Variants in OR5K1 observed in about 807,000 individuals in gnomAD.
OR5K1 encodes olfactory receptor family 5 subfamily K member 1.
In OR5K1, 7 loss-of-function variants were observed where a neutral mutation model predicts 10.4. The observed-to-expected ratio is 0.67, with a 90% CI of 0.38 to 1.26. The LOEUF is 1.26. Ranked by LOEUF, OR5K1 falls within the 50% of genes most tolerant of loss-of-function variation. The pLI is 0.02. For missense variants in OR5K1, 435 were observed against 366.2 expected (o/e 1.19, Z -1.53); for synonymous variants, 135 against 128.5 (o/e 1.05, Z -0.34).
Position 98,470,541 on chromosome 3 carries a change from C to A in OR5K1, c.*38C>A. 2 of 1,236,546 alleles carry A rather than the reference C, an allele frequency of 1.6e-6. No homozygotes were observed. Among genetic ancestry groups the A allele is most frequent in the South Asian group, 1.5e-5 (1 of 68,806 alleles). The allele number at this position is 1,236,546 out of a possible 1,614,324, so 76.6% of individuals were successfully genotyped here. ...TGGAAACAAGTGACATCTACTATAG[C>A]TTAATGATTTAAATGCAGCAAAAAC... On this transcript the variant is annotated 3_prime_UTR_variant, in exon 2 of 2. Transcript: ENST00000642057.
At chr3:98,465,976 C>A (rs1200986682) in intron 1 of OR5K1, among the ~76,000 whole-genome samples, 1 of 151,454 alleles carries the variant, frequency 6.6e-6, no homozygotes, top group African/African-American at 2.4e-5. Flanking sequence ...TATACATGTG[C>A]CATGCTGGTG....
chr3:98,468,492 C>A (rs1197718138), intron 1 of OR5K1, among the ~76,000 whole-genome samples: 1 of 151,030 alleles, frequency 6.6e-6, no homozygotes, highest in Non-Finnish European at 1.5e-5. Flanking sequence ...TCCCTGTGCC[C>A]ACCTCCCACT....
In OR5K1 at chr3:98,470,511, A is replaced by G. The variant is rs1450738502; in HGVS notation, c.*8A>G. 6.7e-7 allele frequency: 1 copy of G among 1,490,796 alleles called. No individual in the cohort carries two copies. The highest frequency in any genetic ancestry group is 1.4e-5 in the African/African-American group (1 of 71,362). The allele number at this position is 1,490,796 out of a possible 1,614,324, so 92.3% of individuals were successfully genotyped here. On this transcript the variant is annotated 3_prime_UTR_variant, in exon 2 of 2. Transcript: ENST00000642057. ...ATTCTGATGAAGAAATAATCTCAAG[A>G]AAGATGGAAACAAGTGACATCTACT... is the stretch of plus-strand genomic sequence containing the variant.
rs1203858213 is a variant in OR5K1, at chr3:98,471,719, C to T, written c.*1216C>T. On this transcript the variant is annotated 3_prime_UTR_variant, in exon 2 of 2. Coordinates refer to ENST00000642057, the MANE Select transcript of OR5K1 (RefSeq NM_001004736.4). ...TTGCTCTGAGGACCTGTCTAAATTC[C>T]CAGAAAGCAATTGTCAAGTGCTCCA... 6.6e-6 allele frequency: 1 copy of T among 151,852 alleles called. No individual in the cohort carries two copies. The highest frequency in any genetic ancestry group is 1.5e-5 in the Non-Finnish European group (1 of 67,922). 9.4% of individuals were successfully genotyped at this position (151,852 alleles called of 1,614,324 possible).
In OR5K1 at chr3:98,472,674, G is replaced by A. The variant is rs1250016609; in HGVS notation, c.*2171G>A. ...TGTCTTAGTCTATTCTCTCTGTCTG[G>A]AATATCAAAGGTATGCTCAGAAATA... On this transcript the variant is annotated 3_prime_UTR_variant, in exon 2 of 2. Transcript: ENST00000642057. 6.6e-6 allele frequency: 1 copy of A among 151,772 alleles called. No homozygotes were observed. Among genetic ancestry groups the A allele is most frequent in the Non-Finnish European group, 1.5e-5 (1 of 67,920 alleles). The allele number at this position is 151,772 out of a possible 1,614,324, so 9.4% of individuals were successfully genotyped here. A position where few individuals can be genotyped will look rare whatever the true frequency, so the allele number is the denominator to read the frequency against.
chr3:98,465,020 T>A (rs1296258395), intron 1 of OR5K1, among the ~76,000 whole-genome samples: 1 of 152,204 alleles, frequency 6.6e-6, no homozygotes, highest in East Asian at 1.9e-4. Flanking sequence ...CCATTTTATT[T>A]ACTTAATAAA....
At chr3:98,465,494 T>C (rs1287568236) in intron 1 of OR5K1, among the ~76,000 whole-genome samples, 2 of 152,146 alleles carry the variant, frequency 1.3e-5, no homozygotes, top group Non-Finnish European at 2.9e-5. Flanking sequence ...GGTCAATTCA[T>C]TATTATTGGC....
rs965158148 is a variant in OR5K1 at position 98,470,513 on chromosome 3, A to G, written c.*10A>G. 1.3e-6 allele frequency: 2 copies of G among 1,481,868 alleles called. No homozygotes were observed. Among genetic ancestry groups the G allele is most frequent in the East Asian group, 2.3e-5 (1 of 44,174 alleles). 91.8% of individuals were successfully genotyped at this position (1,481,868 alleles called of 1,614,324 possible). On this transcript the variant is annotated 3_prime_UTR_variant, in exon 2 of 2. Coordinates refer to ENST00000642057, the MANE Select transcript of OR5K1 (RefSeq NM_001004736.4). ...TCTGATGAAGAAATAATCTCAAGAA[A>G]GATGGAAACAAGTGACATCTACTAT...
Position 98,470,440 on chromosome 3 carries a change from C to G in OR5K1, c.864C>G (p.Phe288Leu), listed in dbSNP as rs761784881. The G allele has an allele frequency of 1.2e-5, 19 of 1,596,918 alleles. No individual in the cohort carries two copies. Among genetic ancestry groups the G allele is most frequent in the Non-Finnish European group, 1.6e-5 (19 of 1,165,856 alleles). Residue 288 changes from phenylalanine to leucine, a missense_variant, in exon 2 of 2, where the codon TTC becomes TTG. Phe to Leu is a conservative substitution (Grantham distance 22). Coordinates refer to ENST00000642057, the MANE Select transcript of OR5K1 (RefSeq NM_001004736.4). ...TAGTAGTTCCCTTACTAAATCCTTT[C>G]ATTTATAGCCTGAGAAATAGGGAAG... ...FTIVVPLLNP[F>L]IYSLRNREVI...
At chr3:98,465,589 A>G (rs1167332813) in intron 1 of OR5K1, among the ~76,000 whole-genome samples, 1 of 152,172 alleles carries the variant, frequency 6.6e-6, no homozygotes, top group African/African-American at 2.4e-5. Context: ...AACACTATAT[A>G]TTATCATTTC....
intron 1 of OR5K1, among the ~76,000 whole-genome samples, chr3:98,466,885 C>A (rs1217960075): frequency 8.3e-6 from 1 of 120,254 alleles, no homozygotes; most frequent in South Asian, 2.9e-4. Context: ...TTTTGCTGTG[C>A]AGAAGCTCTT....
intron 1 of OR5K1, among the ~76,000 whole-genome samples, chr3:98,465,289 A>G (rs1705358683): frequency 6.6e-6 from 1 of 152,176 alleles, no homozygotes; most frequent in Admixed American, 6.5e-5. Context: ...CATTACAATA[A>G]TCTTCAAGGT....
rs770026228 is a variant in OR5K1 at position 98,470,419 on chromosome 3, A to G, written c.843A>G (p.Val281=). The change falls in exon 2 of 2, where the codon GTA becomes GTG. Residue 281 remains valine (V), a synonymous_variant. Transcript: ENST00000642057. The part of the protein sequence containing the change: ...DIPAAILFTI[V]VPLLNPFIYS... ...CAGCTGCAATTTTATTTACAATAGT[A>G]GTTCCCTTACTAAATCCTTTCATTT... is the stretch of plus-strand genomic sequence containing the variant. The G allele has an allele frequency of 3.1e-6, 5 of 1,606,622 alleles. No individual in the cohort carries two copies. In the East Asian group the frequency reaches 1.1e-4, roughly 36 times the overall value.
In OR5K1 at chr3:98,472,830, C is replaced by T. The variant is rs559580040; in HGVS notation, c.*2327C>T. On this transcript the variant is annotated 3_prime_UTR_variant, in exon 2 of 2. Coordinates refer to ENST00000642057, the MANE Select transcript of OR5K1 (RefSeq NM_001004736.4). ...TGGGTAAGACAGAATTACAGGCAGG[C>T]TTTATCTGAGAATTACTGGTTATGG... The T allele has an allele frequency of 6.6e-6, 1 of 151,926 alleles. No individual in the cohort carries two copies. Among genetic ancestry groups the T allele is most frequent in the South Asian group, 2.1e-4 (1 of 4,830 alleles). The allele number at this position is 151,926 out of a possible 1,614,324, so 9.4% of individuals were successfully genotyped here. A position where few individuals can be genotyped will look rare whatever the true frequency, so the allele number is the denominator to read the frequency against.
intron 1 of OR5K1, among the ~76,000 whole-genome samples, chr3:98,468,744 C>A (rs1705403876): frequency 6.6e-6 from 1 of 152,042 alleles, no homozygotes; most frequent in East Asian, 1.9e-4. Flanking sequence ...TTGCTTCCAC[C>A]TTTTGACTAT....
intron 1 of OR5K1, among the ~76,000 whole-genome samples, chr3:98,468,103 G>A (rs1018252236): frequency 2.0e-5 from 3 of 151,988 alleles, no homozygotes; most frequent in African/African-American, 7.2e-5. Flanking sequence ...TAACCTGGAT[G>A]GTTTCTAGTA....
chr3:98,463,778 C>A (rs577544575), intron 1 of OR5K1, among the ~76,000 whole-genome samples: 1 of 152,142 alleles, frequency 6.6e-6, no homozygotes, highest in Non-Finnish European at 1.5e-5. Flanking sequence ...GTTCTAGTTT[C>A]TTTTTTATTC....
At position 98,469,615 on chromosome 3, in the gene OR5K1, C is replaced by T. The variant is rs372408488; in HGVS notation, c.39C>T (p.Ile13=). Residue 13 remains isoleucine (I), a synonymous_variant, in exon 2 of 2, where the codon ATC becomes ATT. Transcript: ENST00000642057. ...ATCATACCATGAAAAATGAGTTTAT[C>T]CTCACAGGATTTACAGATCACCCTG... The part of the protein sequence containing the change: ...EENHTMKNEF[I]LTGFTDHPEL... The T allele has an allele frequency of 1.2e-5, 19 of 1,611,498 alleles. No homozygotes were observed. The East Asian group carries it at 1.3e-4, about 11-fold the overall frequency.
At chr3:98,469,086 G>A (rs1705409823) in intron 1 of OR5K1, among the ~76,000 whole-genome samples, 1 of 152,046 alleles carries the variant, frequency 6.6e-6, no homozygotes, top group Non-Finnish European at 1.5e-5. Flanking sequence ...TACACAGCAT[G>A]GAATACTATG....
Sources: gnomAD v4.1 joint callset for allele counts (sites outside exome capture counted in the v4.1 genomes callset) on GRCh38, gnomAD v4.1.1 for gene constraint, MANE v1.5 for transcripts, NCBI Gene and HGNC (gene_info 2026-07-23, HGNC 2026-07-21) for gene names.